The following ABCA13 variants were observed in gnomAD, a reference collection of about 807,000 sequenced individuals.
ABCA13 encodes ATP-binding cassette sub-family A member 13.
Under a neutral mutation model 478.7 loss-of-function variants are expected in ABCA13, and 476 were observed. The ratio of observed to expected loss-of-function variants is 0.99; its 90% CI spans 0.92 to 1.07. The LOEUF is 1.07. Ranked by LOEUF, ABCA13 falls within the 50% of genes least tolerant of loss-of-function variation. The pLI is 0.00. For missense variants in ABCA13, 6,060 were observed against 5,910.6 expected, an observed-to-expected ratio of 1.03 and a Z score of -0.83; for synonymous variants, 2,252 against 2,158.9, an observed-to-expected ratio of 1.04 and a Z score of -1.20.
intron 27 of ABCA13, among the ~76,000 whole-genome samples, chr7:48,321,704 C>T (rs972559152): frequency 1.8e-4 from 27 of 152,190 alleles, no homozygotes; most frequent in Non-Finnish European, 2.4e-4. Flanking sequence ...GAGGTGGCCT[C>T]AGCACCAAGC....
In ABCA13 at chr7:48,338,260, G is replaced by C. The variant is rs796533213; in HGVS notation, c.10114-105G>C. The C allele has an allele frequency of 6.6e-6, 5 of 761,062 alleles. No individual in the cohort carries two copies. In the African/African-American group the frequency reaches 7.2e-5, roughly 11 times the overall value. 47.1% of individuals were successfully genotyped at this position (761,062 alleles called of 1,614,324 possible). A position where few individuals can be genotyped will look rare whatever the true frequency, so the allele number is the denominator to read the frequency against. On this transcript the variant is annotated intron_variant, in intron 28 of 61. Transcript: ENST00000435803. ...CTTCTTTTAAGTGGATTCAGTTTAT[G>C]TGCCTTGTTCCTTTGTAATGAAACT...
intron 7 of ABCA13, 100 bp from the exon 8 acceptor site, chr7:48,233,918 T>C: frequency 7.2e-7 from 1 of 1,383,412 alleles, no homozygotes; most frequent in South Asian, 1.4e-5. Context: ...TCATTTGCTC[T>C]TCCTTTAGAG....
chr7:48,272,274 A>G lies in ABCA13; in HGVS notation c.2608A>G (p.Ser870Gly). The change falls in exon 17 of 62, where the codon AGT becomes GGT. Residue 870 changes from serine (S) to glycine (G), a missense_variant. This residue lies in a region of ABCA13 where 4,423 missense variants were observed against 4,309.1 expected (regional missense o/e 1.03). Coordinates refer to ENST00000435803, the MANE Select transcript of ABCA13 (RefSeq NM_152701.5). The stretch of plus-strand genomic sequence containing the variant: ...TCCAGAAAATGAGATTCTGAGTACA[A>G]GTTTTAACTTTTCCCAGTTGTTCCA... ...SVPENEILSTSFNFSQLFHSD... is the reference protein window; with the variant it reads ...SVPENEILSTGFNFSQLFHSD... The G allele has an allele frequency of 6.2e-7, 1 of 1,613,706 alleles. No homozygotes were observed. The highest frequency in any genetic ancestry group is 8.5e-7 in the Non-Finnish European group (1 of 1,179,726).
Position 48,275,730 on chromosome 7 carries a change from C to A in ABCA13, c.6064C>A (p.Leu2022Ile). 1 of 1,605,684 alleles carries A rather than the reference C, an allele frequency of 6.2e-7. No individual in the cohort carries two copies. Among genetic ancestry groups the A allele is most frequent in the Non-Finnish European group, 8.5e-7 (1 of 1,175,342 alleles). Residue 2022 changes from leucine to isoleucine, a missense_variant, in exon 17 of 62, where the codon CTA (leucine) becomes ATA (isoleucine). Coordinates refer to ENST00000435803, the MANE Select transcript of ABCA13 (RefSeq NM_152701.5). ...GAGCCTAGAAAAAAGTACGCATAAT[C>A]TACTCTCTTTATTCATGATGCTCCA... ...DWSLEKSTHN[L>I]LSLFMMLQNA...
At chr7:48,388,217 A>G (rs1386253822) in intron 36 of ABCA13, among the ~76,000 whole-genome samples, 1 of 152,176 alleles carries the variant, frequency 6.6e-6, no homozygotes, top group Admixed American at 6.5e-5. Flanking sequence ...CCCTCTGTGC[A>G]TTATGTGCAT....
chr7:48,330,473 G>C (rs1805151185), intron 27 of ABCA13, among the ~76,000 whole-genome samples: 1 of 102,916 alleles, frequency 9.7e-6, no homozygotes, highest in Non-Finnish European at 2.0e-5. Context: ...TCATCTGTTT[G>C]TCCATCCATC....
In ABCA13 at chr7:48,631,301, TAA is replaced by T. The variant is rs1024045945; in HGVS notation, c.14838-11986_14838-11985del. 5.9e-5 allele frequency among the ~76,000 whole-genome samples: 9 copies of T among 152,130 alleles called. No homozygotes were observed. The South Asian group carries it at 6.2e-4, about 10-fold the overall frequency. ...TTTTTTTAGTTTGTAGTGTTATATT[TAA>T]GTCTTTAATCCATTTTAATTTTTAT... On this transcript the variant is annotated intron_variant, in intron 59 of 61. Coordinates refer to ENST00000435803, the MANE Select transcript of ABCA13 (RefSeq NM_152701.5).
At chr7:48,198,101 C>T in intron 2 of ABCA13, 136 bp from the exon 3 acceptor site, 1 of 914,016 alleles carries the variant, frequency 1.1e-6, no homozygotes. Flanking sequence ...TGTCTGAGCC[C>T]TTAGATCTCC....
intron 38 of ABCA13, among the ~76,000 whole-genome samples, chr7:48,393,631 A>G (rs947657625): frequency 1.5e-4 from 23 of 152,148 alleles, no homozygotes; most frequent in African/African-American, 5.6e-4. Context: ...GTGTAACCTT[A>G]TTTCTTTACC....
intron 41 of ABCA13, among the ~76,000 whole-genome samples, chr7:48,420,116 T>C (rs1421389600): frequency 6.6e-6 from 1 of 152,228 alleles, no homozygotes; most frequent in African/African-American, 2.4e-5. Flanking sequence ...TCTTCCTTCA[T>C]CTGCATTTTG....
chr7:48,328,948 A>G (rs1804758379), intron 27 of ABCA13, among the ~76,000 whole-genome samples: 2 of 152,120 alleles, frequency 1.3e-5, no homozygotes, highest in Admixed American at 1.3e-4. Context: ...ATTCGTGTGA[A>G]GTCTTTGAGG....
intron 40 of ABCA13, among the ~76,000 whole-genome samples, chr7:48,412,090 C>T (rs1006870449): frequency 6.6e-6 from 1 of 152,136 alleles, no homozygotes; most frequent in African/African-American, 2.4e-5. Context: ...CTGGCCATGG[C>T]AGGCCCAGTA....
chr7:48,601,790 A>G (rs1308366120), intron 58 of ABCA13, among the ~76,000 whole-genome samples: 5 of 152,188 alleles, frequency 3.3e-5, no homozygotes, highest in African/African-American at 1.2e-4. Context: ...TCCTTGAGGA[A>G]TTGCCACACT....
chr7:48,567,917 A>G (rs1229153159), intron 55 of ABCA13, among the ~76,000 whole-genome samples: 2 of 152,160 alleles, frequency 1.3e-5, no homozygotes, highest in Non-Finnish European at 2.9e-5. Flanking sequence ...GTCATTAATA[A>G]TGACAGATAT....
intron 42 of ABCA13, among the ~76,000 whole-genome samples, chr7:48,432,646 A>G (rs1381135667): frequency 6.6e-6 from 1 of 152,210 alleles, no homozygotes; most frequent in Non-Finnish European, 1.5e-5. Flanking sequence ...GTCTTAAAAA[A>G]GAAGCAAATT....
chr7:48,523,749 A>C (rs1237568464), intron 53 of ABCA13, among the ~76,000 whole-genome samples: 1 of 152,170 alleles, frequency 6.6e-6, no homozygotes, highest in African/African-American at 2.4e-5. Context: ...TTCCTCTGAT[A>C]GATACTTACT....
intron 19 of ABCA13, among the ~76,000 whole-genome samples, chr7:48,286,751 A>G (rs955515331): frequency 3.9e-5 from 6 of 152,034 alleles, no homozygotes; most frequent in African/African-American, 1.5e-4. Context: ...GATCTGCCCA[A>G]CACGGCCTCC....
chr7:48,249,447 G>C, intron 15 of ABCA13, 96 bp downstream of exon 15: 1 of 1,523,392 alleles, frequency 6.6e-7, no homozygotes, highest in Non-Finnish European at 8.9e-7. Flanking sequence ...TAACAAAGCG[G>C]GGCTTAAAAT....
At chr7:48,622,369 A>C (rs1793223248) in intron 59 of ABCA13, among the ~76,000 whole-genome samples, 1 of 152,048 alleles carries the variant, frequency 6.6e-6, no homozygotes, top group Admixed American at 6.6e-5. Context: ...TTCCTCTTGG[A>C]GCAGAAGGGG....
Sources: gnomAD v4.1 joint callset for allele counts (sites outside exome capture counted in the v4.1 genomes callset) on GRCh38, gnomAD v4.1.1 for gene constraint, gnomAD v4.1.1 regional missense constraint, MANE v1.5 for transcripts, NCBI Gene and HGNC (gene_info 2026-07-23, HGNC 2026-07-21) for gene names.